The following TCF7L2 variants were observed in gnomAD, a reference collection of about 807,000 sequenced individuals.
TCF7L2 encodes transcription factor 7 like 2.
Under a neutral mutation model 77.9 loss-of-function variants are expected in TCF7L2, and 23 were observed. That is an observed-to-expected ratio of 0.30 (90% CI 0.21 to 0.42). TCF7L2 has a LOEUF of 0.42. Ranked by LOEUF, TCF7L2 falls within the 10% of genes least tolerant of loss-of-function variation. The pLI is 1.00. For missense variants in TCF7L2, 654 were observed against 793.1 expected (o/e 0.82, Z 2.11); for synonymous variants, 413 against 340.2 (o/e 1.21, Z -2.36).
At chr10:113,131,590 C>T (rs1374170832) in intron 5 of TCF7L2, among the ~76,000 whole-genome samples, 1 of 152,182 alleles carries the variant, frequency 6.6e-6, no homozygotes, top group Admixed American at 6.5e-5. Context: ...TTCTTGATGT[C>T]TTAGGAGAAG....
intron 4 of TCF7L2, among the ~76,000 whole-genome samples, chr10:112,975,716 A>T (rs2039290806): frequency 6.6e-6 from 1 of 152,158 alleles, no homozygotes; most frequent in Non-Finnish European, 1.5e-5. Context: ...TCCTGACCTC[A>T]AGTGATCCGC....
intron 3 of TCF7L2, among the ~76,000 whole-genome samples, chr10:112,962,115 G>T (rs543937057): frequency 1.3e-5 from 2 of 152,240 alleles, no homozygotes; most frequent in African/African-American, 4.8e-5. Flanking sequence ...ACCACAGTTT[G>T]ATTAATTTAT....
chr10:112,954,078 A>C (rs1254850496), intron 3 of TCF7L2, among the ~76,000 whole-genome samples: 2 of 152,226 alleles, frequency 1.3e-5, no homozygotes, highest in Non-Finnish European at 2.9e-5. Flanking sequence ...CTTCAATCAG[A>C]AGGCCAGCTT....
intron 4 of TCF7L2, 54 bp from the exon 5 acceptor site, chr10:113,039,971 C>A: frequency 2.0e-6 from 3 of 1,510,168 alleles, no homozygotes; most frequent in Non-Finnish European, 2.8e-6. Flanking sequence ...AGTTGTTCTG[C>A]ATTTACTTTC....
intron 4 of TCF7L2, among the ~76,000 whole-genome samples, chr10:112,967,851 T>G (rs1240696768): frequency 9.2e-5 from 14 of 152,078 alleles, no homozygotes; most frequent in Admixed American, 9.2e-4. Context: ...GTCAGGCTGG[T>G]CTCGAACTCC....
intron 5 of TCF7L2, among the ~76,000 whole-genome samples, chr10:113,054,794 T>A (rs980680307): frequency 7.9e-5 from 12 of 152,184 alleles, no homozygotes; most frequent in African/African-American, 2.9e-4. Flanking sequence ...TTTTTAACTT[T>A]GACATAAGTG....
At chr10:113,029,163 A>G (rs559791602) in intron 4 of TCF7L2, among the ~76,000 whole-genome samples, 2 of 152,328 alleles carry the variant, frequency 1.3e-5, no homozygotes, top group South Asian at 4.1e-4. Flanking sequence ...ACAGGGTACT[A>G]GAGAATGGAC....
At position 113,120,735 on chromosome 10, in the gene TCF7L2, T is replaced by C. The variant is rs1478036217; in HGVS notation, c.553-20449T>C. Among the ~76,000 whole-genome samples the C allele has an allele frequency of 2.6e-5, 4 of 152,184 alleles. No individual in the cohort carries two copies. In the East Asian group the frequency reaches 7.7e-4, roughly 29 times the overall value. ...CACCAGTGTCACAGGAGGATACCGA[T>C]AGCGGAGTAGATTGTGGTGGATTAG... On this transcript the variant is annotated intron_variant, in intron 5 of 13. Coordinates refer to ENST00000627217, the MANE Select transcript of TCF7L2 (RefSeq NM_001146274.2).
intron 1 of TCF7L2, 56 bp from the exon 2 acceptor site, chr10:112,951,151 C>T: frequency 4.8e-6 from 7 of 1,451,040 alleles, no homozygotes; most frequent in Non-Finnish European, 6.6e-6. Context: ...TCCCCCTTCT[C>T]CCCCTTCTGC....
chr10:113,152,102 G>A (rs965375512), intron 10 of TCF7L2, among the ~76,000 whole-genome samples: 4 of 152,184 alleles, frequency 2.6e-5, no homozygotes, highest in South Asian at 2.1e-4. Flanking sequence ...CTACCCGAGC[G>A]AGTGAGCAAA....
intron 4 of TCF7L2, among the ~76,000 whole-genome samples, chr10:112,990,617 G>C (rs962080654): frequency 3.9e-5 from 6 of 152,096 alleles, no homozygotes; most frequent in African/African-American, 1.4e-4. Flanking sequence ...TGAGGTGGGC[G>C]GGCGATTGAG....
intron 7 of TCF7L2, among the ~76,000 whole-genome samples, chr10:113,145,128 T>TTA (rs1555126290): frequency 1.3e-5 from 2 of 149,792 alleles, no homozygotes; most frequent in Non-Finnish European, 3.0e-5. Flanking sequence ...TTTTTTTTTT[T>TTA]AATAAAAAAC....
chr10:112,960,720 T>C (rs2034858824), intron 3 of TCF7L2, among the ~76,000 whole-genome samples: 1 of 150,532 alleles, frequency 6.6e-6, no homozygotes, highest in Admixed American at 6.6e-5. Context: ...GGAGTTTCGC[T>C]CTTGTTTTCC....
intron 5 of TCF7L2, among the ~76,000 whole-genome samples, chr10:113,091,020 G>A (rs2060340505): frequency 6.6e-6 from 1 of 152,098 alleles, no homozygotes; most frequent in Non-Finnish European, 1.5e-5. Context: ...TCCTGCCTCA[G>A]CCTCCCGAGT....
intron 5 of TCF7L2, among the ~76,000 whole-genome samples, chr10:113,100,143 A>G (rs182438548): frequency 5.3e-4 from 81 of 152,322 alleles, no homozygotes; most frequent in African/African-American, 1.8e-3. Flanking sequence ...CTGTAGAGGA[A>G]TGTCTTCCAG....
chr10:112,995,398 G>C (rs1010327836), intron 4 of TCF7L2, among the ~76,000 whole-genome samples: 1 of 152,162 alleles, frequency 6.6e-6, no homozygotes, highest in Non-Finnish European at 1.5e-5. Flanking sequence ...TTGTTTCTCT[G>C]TCTCAGCCCT....
intron 5 of TCF7L2, among the ~76,000 whole-genome samples, chr10:113,127,684 G>A (rs1050559812): frequency 3.9e-5 from 6 of 151,996 alleles, no homozygotes; most frequent in Non-Finnish European, 7.4e-5. Flanking sequence ...TCTAAGCGTG[G>A]TGTACTTCTG....
At chr10:113,042,213 G>T (rs2052577610) in intron 5 of TCF7L2, among the ~76,000 whole-genome samples, 1 of 152,154 alleles carries the variant, frequency 6.6e-6, no homozygotes, top group Non-Finnish European at 1.5e-5. Context: ...GTGGATTTTG[G>T]CCAGGGGTGC....
rs2074076420 is a variant in TCF7L2, at chr10:113,167,168, T to G, written c.*1196T>G. The G allele has an allele frequency of 4.4e-6, 1 of 229,100 alleles. No individual in the cohort carries two copies. The highest frequency in any genetic ancestry group is 5.7e-5 in the Admixed American group (1 of 17,660). 14.2% of individuals were successfully genotyped at this position (229,100 alleles called of 1,614,324 possible). On this transcript the variant is annotated 3_prime_UTR_variant, in exon 14 of 14. Coordinates refer to ENST00000627217, the MANE Select transcript of TCF7L2 (RefSeq NM_001146274.2). ...GTGATGTTACATAGGTAGATTTGTATGTAGTTTTAATGTCACCTATAACAA... is the reference window on the plus strand; with the variant it reads ...GTGATGTTACATAGGTAGATTTGTAGGTAGTTTTAATGTCACCTATAACAA...
Sources: gnomAD v4.1 joint callset for allele counts (sites outside exome capture counted in the v4.1 genomes callset) on GRCh38, gnomAD v4.1.1 for gene constraint, MANE v1.5 for transcripts, NCBI Gene and HGNC (gene_info 2026-07-23, HGNC 2026-07-21) for gene names.